MICU3: variants seen among roughly 807,000 people sequenced by gnomAD.
The protein encoded by MICU3 is calcium uptake protein 3, mitochondrial.
In MICU3, 62 loss-of-function variants were observed where a neutral mutation model predicts 66.5. The observed-to-expected ratio is 0.93, with a 90% CI of 0.76 to 1.15. MICU3 has a LOEUF of 1.15. Ranked by LOEUF, MICU3 falls within the 50% of genes most tolerant of loss-of-function variation. The pLI, the probability that MICU3 is intolerant of heterozygous loss-of-function variation, is 0.00. For missense variants in MICU3, 779 were observed against 664.4 expected (o/e 1.17, Z -1.90); for synonymous variants, 308 against 240.7 (o/e 1.28, Z -2.59).
At chr8:17,076,361 C>T (rs1431531192) in intron 3 of MICU3, among the ~76,000 whole-genome samples, 2 of 152,148 alleles carry the variant, frequency 1.3e-5, no homozygotes, top group African/African-American at 4.8e-5. Flanking sequence ...ATCTCTCAAT[C>T]TAACAAAAAT....
chr8:17,058,318 A>G (rs1817292479), intron 1 of MICU3, among the ~76,000 whole-genome samples: 1 of 152,184 alleles, frequency 6.6e-6, no homozygotes, highest in Non-Finnish European at 1.5e-5. Context: ...AAAATGAAGT[A>G]GCTCAGCCAG....
intron 1 of MICU3, among the ~76,000 whole-genome samples, chr8:17,036,683 G>T (rs889482931): frequency 1.3e-5 from 2 of 152,204 alleles, no homozygotes; most frequent in African/African-American, 4.8e-5. Flanking sequence ...TGATTGGTGT[G>T]TTTACAATCC....
At chr8:17,117,439 C>G (rs1405734450) in intron 13 of MICU3, among the ~76,000 whole-genome samples, 3 of 151,600 alleles carry the variant, frequency 2.0e-5, no homozygotes, top group Non-Finnish European at 2.9e-5. Context: ...TTTTTTTCCC[C>G]CAAGAAACAT....
At position 17,076,647 on chromosome 8, in the gene MICU3, A is replaced by AATGATTT. The variant is rs1175251216; in HGVS notation, c.568-1133_568-1127dup. On this transcript the variant is annotated intron_variant, in intron 3 of 14. Coordinates refer to ENST00000318063, the MANE Select transcript of MICU3 (RefSeq NM_181723.3). ...TAGCTCAGCTTTGCAGTTAAACAAA[A>AATGATTT]ATGATTTATAAATGTCAGAAAGCAT... 4.6e-5 allele frequency among the ~76,000 whole-genome samples: 7 copies of AATGATTT among 152,322 alleles called. No individual in the cohort carries two copies. In the South Asian group the frequency reaches 6.2e-4, roughly 14 times the overall value.
chr8:17,138,581 T>C, the MICU3 span, among the ~76,000 whole-genome samples: 12 of 152,160 alleles, frequency 7.9e-5, no homozygotes, highest in African/African-American at 2.7e-4. Context: ...TTCGGTAATA[T>C]ACGCACCATC....
At chr8:17,069,433 A>G (rs1819208854) in intron 2 of MICU3, among the ~76,000 whole-genome samples, 1 of 152,142 alleles carries the variant, frequency 6.6e-6, no homozygotes, top group African/African-American at 2.4e-5. Context: ...GAAAGCCCAA[A>G]TTAAGATGAT....
the MICU3 span, among the ~76,000 whole-genome samples, chr8:17,135,553 C>T: frequency 3.3e-5 from 5 of 152,046 alleles, 1 homozygote; most frequent in Non-Finnish European, 7.3e-5. Flanking sequence ...GGTGGGCAGT[C>T]ATATTACATG....
At chr8:17,136,299 A>G in the MICU3 span, among the ~76,000 whole-genome samples, 1 of 152,168 alleles carries the variant, frequency 6.6e-6, no homozygotes, top group South Asian at 2.1e-4. Context: ...GACAGCAACA[A>G]TAAAAAAGTT....
intron 1 of MICU3, among the ~76,000 whole-genome samples, chr8:17,058,252 A>T (rs189196976): frequency 6.6e-6 from 1 of 152,340 alleles, no homozygotes; most frequent in Non-Finnish European, 1.5e-5. Flanking sequence ...GGATTTTTAA[A>T]TTGGAAATTA....
At chr8:17,052,773 CT>C (rs1816316906) in intron 1 of MICU3, among the ~76,000 whole-genome samples, 1 of 152,128 alleles carries the variant, frequency 6.6e-6, no homozygotes, top group Non-Finnish European at 1.5e-5. Context: ...AAAGAAAATG[CT>C]ACCTCTTTTA....
intron 1 of MICU3, among the ~76,000 whole-genome samples, chr8:17,051,021 T>C (rs1321798680): frequency 6.6e-6 from 1 of 152,194 alleles, no homozygotes; most frequent in Admixed American, 6.5e-5. Flanking sequence ...GCATCCTGTT[T>C]CTGGTCTTCA....
At chr8:17,043,390 A>G (rs368510071) in intron 1 of MICU3, among the ~76,000 whole-genome samples, 3 of 152,310 alleles carry the variant, frequency 2.0e-5, no homozygotes, top group East Asian at 3.9e-4. Flanking sequence ...ATTCTTACTA[A>G]TCTGACAATA....
chr8:17,080,990 G>C (rs1375580892), intron 4 of MICU3, among the ~76,000 whole-genome samples: 1 of 151,916 alleles, frequency 6.6e-6, no homozygotes, highest in Non-Finnish European at 1.5e-5. Flanking sequence ...ATCTAGTTTT[G>C]GGTTTTGTAT....
intron 9 of MICU3, among the ~76,000 whole-genome samples, chr8:17,098,769 G>A (rs1240065995): frequency 6.6e-6 from 1 of 151,462 alleles, no homozygotes; most frequent in Non-Finnish European, 1.5e-5. Context: ...TTTAACTTAA[G>A]GATCACTTTC....
intron 1 of MICU3, among the ~76,000 whole-genome samples, chr8:17,029,333 G>A (rs558030779): frequency 1.3e-5 from 2 of 152,118 alleles, no homozygotes; most frequent in African/African-American, 4.8e-5. Context: ...AAAATCAGCC[G>A]GGTGTGGTGT....
chr8:17,079,155 T>G (rs980866145), intron 4 of MICU3, among the ~76,000 whole-genome samples: 1 of 152,132 alleles, frequency 6.6e-6, no homozygotes, highest in Non-Finnish European at 1.5e-5. Context: ...TGTTTGCATT[T>G]TTTTCCCCAG....
At chr8:17,060,037 C>T (rs1032124526) in intron 1 of MICU3, among the ~76,000 whole-genome samples, 1 of 152,120 alleles carries the variant, frequency 6.6e-6, no homozygotes, top group Non-Finnish European at 1.5e-5. Flanking sequence ...AACAGATTGA[C>T]AGGTACAGTG....
chr8:17,044,910 C>T (rs1270548513), intron 1 of MICU3, among the ~76,000 whole-genome samples: 1 of 152,168 alleles, frequency 6.6e-6, no homozygotes, highest in Non-Finnish European at 1.5e-5. Context: ...TTTAATTGGC[C>T]TTCCAGAAAT....
chr8:17,027,774 CTTCCCG>C, intron 1 of MICU3, 114 bp downstream of exon 1: 1 of 1,207,172 alleles, frequency 8.3e-7, no homozygotes, highest in Non-Finnish European at 1.0e-6. Context: ...GGGTGAGGAA[CTTCCCG>C]TGAGCGAGGC....
Sources: allele counts gnomAD v4.1 joint callset (sites outside exome capture counted in the v4.1 genomes callset), GRCh38; gene constraint gnomAD v4.1.1; transcripts MANE v1.5; gene names NCBI Gene and HGNC (gene_info 2026-07-23, HGNC 2026-07-21).